The following YWHAE variants were observed in gnomAD, a reference collection of about 807,000 sequenced individuals.
The protein encoded by YWHAE is tyrosine 3-monooxygenase/tryptophan 5-monooxygenase activation protein epsilon, also known as 14-3-3 protein epsilon.
A neutral mutation model predicts 30.1 loss-of-function variants in YWHAE; 4 were observed. The observed-to-expected ratio is 0.13, with a 90% CI of 0.07 to 0.30. YWHAE has a LOEUF of 0.30. Ranked by LOEUF, YWHAE falls within the 10% of genes least tolerant of loss-of-function variation. The probability of loss-of-function intolerance (pLI) is 1.00; values close to 1 mark genes in which losing one functional copy is unlikely to be tolerated. For missense variants in YWHAE, 121 were observed against 315.9 expected, an observed-to-expected ratio of 0.38 and a Z score of 4.68; for synonymous variants, 118 against 111.8, an observed-to-expected ratio of 1.06 and a Z score of -0.35.
chr17:1,394,985 A>C (rs1444376987), intron 1 of YWHAE, among the ~76,000 whole-genome samples: 1 of 152,080 alleles, frequency 6.6e-6, no homozygotes, highest in Non-Finnish European at 1.5e-5. Context: ...ATAAAAATAA[A>C]ACTGCAGCCT....
At chr17:1,355,114 TTTAAAAAAAA>T (rs1417326934) in intron 4 of YWHAE, among the ~76,000 whole-genome samples, 166 of 1,780 alleles carry the variant, frequency 0.093, 2 homozygotes, top group African/African-American at 0.19. Context: ...CCCAAGATTT[TTTAAAAAAAA>T]AAAAAAAAAA....
chr17:1,357,683 TG>T (rs1277459144), intron 4 of YWHAE, among the ~76,000 whole-genome samples: 1 of 152,034 alleles, frequency 6.6e-6, no homozygotes, highest in African/African-American at 2.4e-5. Flanking sequence ...CTCGGCACTT[TG>T]GGAGGCCGAG....
At chr17:1,384,203 C>CA (rs1398159607) in intron 1 of YWHAE, among the ~76,000 whole-genome samples, 2 of 151,822 alleles carry the variant, frequency 1.3e-5, no homozygotes, top group Non-Finnish European at 2.9e-5. Flanking sequence ...GACCCTGTCT[C>CA]AAAAAAATAA....
intron 1 of YWHAE, among the ~76,000 whole-genome samples, chr17:1,371,267 T>C (rs1284981565): frequency 1.3e-5 from 2 of 152,078 alleles, no homozygotes; most frequent in East Asian, 3.9e-4. Context: ...TATTTTTTTG[T>C]AAAGACAGGG....
intron 1 of YWHAE, among the ~76,000 whole-genome samples, chr17:1,373,687 T>C (rs564526708): frequency 6.6e-6 from 1 of 151,014 alleles, no homozygotes; most frequent in Non-Finnish European, 1.5e-5. Context: ...AAAGAAAAGT[T>C]TGAAATACTG....
chr17:1,398,001 T>C (rs562835133), intron 1 of YWHAE, among the ~76,000 whole-genome samples: 1 of 152,246 alleles, frequency 6.6e-6, no homozygotes, highest in Admixed American at 6.6e-5. Context: ...ACATCAAAAA[T>C]ATAATTATCA....
At chr17:1,356,025 C>T (rs1394401366) in intron 4 of YWHAE, among the ~76,000 whole-genome samples, 6 of 152,102 alleles carry the variant, frequency 3.9e-5, no homozygotes, top group African/African-American at 9.7e-5. Flanking sequence ...AAAAATTAGC[C>T]GGGAGCAGTG....
At chr17:1,381,444 G>A (rs1044364384) in intron 1 of YWHAE, among the ~76,000 whole-genome samples, 3 of 152,148 alleles carry the variant, frequency 2.0e-5, no homozygotes, top group Admixed American at 6.5e-5. Flanking sequence ...GGGAGGTGGA[G>A]GTTGCAGTGA....
intron 5 of YWHAE, among the ~76,000 whole-genome samples, chr17:1,351,336 C>T (rs1455444468): frequency 6.6e-6 from 1 of 151,826 alleles, no homozygotes; most frequent in Non-Finnish European, 1.5e-5. Flanking sequence ...TGAGAGAGCA[C>T]CACTGCACTC....
At chr17:1,365,891 C>T (rs528824224) in intron 1 of YWHAE, among the ~76,000 whole-genome samples, 4 of 151,976 alleles carry the variant, frequency 2.6e-5, no homozygotes, top group African/African-American at 9.7e-5. Context: ...GAGAATCACT[C>T]GAGCTCAGGA....
At chr17:1,368,407 T>G (rs191455797) in intron 1 of YWHAE, among the ~76,000 whole-genome samples, 2 of 149,162 alleles carry the variant, frequency 1.3e-5, no homozygotes, top group Admixed American at 6.7e-5. Flanking sequence ...AAAAGAAAAA[T>G]ACAAAAATTA....
intron 5 of YWHAE, among the ~76,000 whole-genome samples, chr17:1,350,107 G>A (rs1356044316): frequency 2.0e-5 from 3 of 151,832 alleles, no homozygotes; most frequent in South Asian, 2.1e-4. Flanking sequence ...CATGTGACAC[G>A]ACGCCTGGCT....
At position 1,373,922 on chromosome 17, in the gene YWHAE, G is replaced by A. The variant is rs186990407; in HGVS notation, c.65-8864C>T. ...CCAACACAACCTACCGTATGGAGTC[G>A]GCTGTGACTGGCTTCTTTCCCATAG... is the stretch of plus-strand genomic sequence containing the variant. On this transcript the variant is annotated intron_variant, in intron 1 of 5. Transcript: ENST00000264335. Among the ~76,000 whole-genome samples the A allele has an allele frequency of 1.2e-3, 181 of 152,180 alleles. 1 individual carries two copies. The highest frequency in any genetic ancestry group is 4.1e-3 in the African/African-American group (172 of 41,516).
chr17:1,372,419 G>A (rs1359796375), intron 1 of YWHAE, among the ~76,000 whole-genome samples: 2 of 152,182 alleles, frequency 1.3e-5, no homozygotes, highest in Non-Finnish European at 2.9e-5. Context: ...TAATCTCCTT[G>A]AAGAACTTTT....
At position 1,373,607 on chromosome 17, in the gene YWHAE, G is replaced by T. The variant is rs528154380; in HGVS notation, c.65-8549C>A. On this transcript the variant is annotated intron_variant, in intron 1 of 5. Transcript: ENST00000264335. Reference sequence around the variant, plus strand: ...TGCGTGAACCCGGGAGGCGGAGCTTGTAGTGAGTAGAGATCGTGGCACTGC... The same window carrying T: ...TGCGTGAACCCGGGAGGCGGAGCTTTTAGTGAGTAGAGATCGTGGCACTGC... 2.1e-4 allele frequency among the ~76,000 whole-genome samples: 32 copies of T among 152,014 alleles called. No homozygotes were observed. In the South Asian group the frequency reaches 6.7e-3, roughly 32 times the overall value.
At chr17:1,394,460 A>AAAAAAAAC (rs1555647412) in intron 1 of YWHAE, among the ~76,000 whole-genome samples, 19 of 137,610 alleles carry the variant, frequency 1.4e-4, no homozygotes, top group African/African-American at 5.2e-4. Context: ...AAAAAAAAAA[A>AAAAAAAAC]ACACAAAAAT....
At position 1,345,309 on chromosome 17, in the gene YWHAE, C is replaced by CAAGA. The variant is rs1420533038; in HGVS notation, c.*137_*138insTCTT. 11 of 584,974 alleles carry CAAGA rather than the reference C, an allele frequency of 1.9e-5. No individual in the cohort carries two copies. Among genetic ancestry groups the CAAGA allele is most frequent in the African/African-American group, 1.5e-4 (7 of 45,922 alleles). 36.2% of individuals were successfully genotyped at this position (584,974 alleles called of 1,614,324 possible). ...CTGTTTAAAAAAAAAAAAAAAAAAC[C>CAAGA]AACAGGGCAGGAACCTAAATTCTGA... On this transcript the variant is annotated 3_prime_UTR_variant, in exon 6 of 6. Coordinates refer to ENST00000264335, the MANE Select transcript of YWHAE (RefSeq NM_006761.5).
At chr17:1,368,260 C>T (rs575057409) in intron 1 of YWHAE, among the ~76,000 whole-genome samples, 53 of 152,178 alleles carry the variant, frequency 3.5e-4, no homozygotes, top group African/African-American at 1.3e-3. Flanking sequence ...TGCCTGTAAT[C>T]CCAGCTACTC....
At chr17:1,350,055 C>T (rs1436210326) in intron 5 of YWHAE, among the ~76,000 whole-genome samples, 18 of 150,862 alleles carry the variant, frequency 1.2e-4, no homozygotes, top group Admixed American at 1.2e-3. Context: ...CAGGTTCAAG[C>T]GATTCTCCTG....
Sources: allele counts gnomAD v4.1 joint callset (sites outside exome capture counted in the v4.1 genomes callset), GRCh38; gene constraint gnomAD v4.1.1; transcripts MANE v1.5; gene names NCBI Gene and HGNC (gene_info 2026-07-23, HGNC 2026-07-21).